GUCY1A2: variants seen among roughly 807,000 people sequenced by gnomAD.
GUCY1A2 encodes the protein guanylate cyclase soluble subunit alpha-2.
GUCY1A2 carries 27 observed loss-of-function variants against 63.5 expected under a neutral mutation model. The ratio of observed to expected loss-of-function variants is 0.43; its 90% CI spans 0.31 to 0.59. The LOEUF (loss-of-function observed/expected upper bound fraction) is 0.59. Ranked by LOEUF, GUCY1A2 falls within the 20% of genes least tolerant of loss-of-function variation. GUCY1A2 has a pLI of 0.11. For missense variants in GUCY1A2, 768 were observed against 913.3 expected, an observed-to-expected ratio of 0.84 and a Z score of 2.05; for synonymous variants, 364 against 343.5, an observed-to-expected ratio of 1.06 and a Z score of -0.66.
At chr11:106,727,597 C>T (rs1479331117) in intron 6 of GUCY1A2, among the ~76,000 whole-genome samples, 1 of 152,038 alleles carries the variant, frequency 6.6e-6, no homozygotes, top group Non-Finnish European at 1.5e-5. Flanking sequence ...TCCTTTGCTC[C>T]AGTCATTTAA....
intron 6 of GUCY1A2, among the ~76,000 whole-genome samples, chr11:106,764,244 CTTCT>C (rs1864119115): frequency 6.6e-6 from 1 of 152,034 alleles, no homozygotes; most frequent in Non-Finnish European, 1.5e-5. Flanking sequence ...CGTCTTCACA[CTTCT>C]TTCTTAAGGA....
At chr11:106,778,526 T>A (rs1415878327) in intron 5 of GUCY1A2, among the ~76,000 whole-genome samples, 2 of 152,110 alleles carry the variant, frequency 1.3e-5, no homozygotes, top group Non-Finnish European at 2.9e-5. Flanking sequence ...CCGGGCATGA[T>A]GGCGGGCACC....
chr11:106,792,534 T>C (rs1439974557), intron 5 of GUCY1A2, among the ~76,000 whole-genome samples: 1 of 152,172 alleles, frequency 6.6e-6, no homozygotes, highest in Non-Finnish European at 1.5e-5. Flanking sequence ...TCTCAAGAGA[T>C]GCAGAAAAAG....
intron 4 of GUCY1A2, among the ~76,000 whole-genome samples, chr11:106,836,326 T>C (rs1859116689): frequency 6.6e-6 from 1 of 151,768 alleles, no homozygotes; most frequent in African/African-American, 2.4e-5. Context: ...TACAATAAAG[T>C]AAGCTAGAGA....
chr11:106,886,576 A>C (rs1286636298), intron 4 of GUCY1A2, among the ~76,000 whole-genome samples: 2 of 152,152 alleles, frequency 1.3e-5, no homozygotes, highest in Non-Finnish European at 2.9e-5. Context: ...GTTATCTACA[A>C]TGATCTGTAC....
At chr11:106,834,948 C>T (rs1264097690) in intron 4 of GUCY1A2, among the ~76,000 whole-genome samples, 1 of 151,930 alleles carries the variant, frequency 6.6e-6, no homozygotes, top group African/African-American at 2.4e-5. Flanking sequence ...AACACATGAA[C>T]CTTCTCTTAC....
intron 4 of GUCY1A2, among the ~76,000 whole-genome samples, chr11:106,858,065 C>T (rs967848884): frequency 3.3e-5 from 5 of 152,132 alleles, no homozygotes; most frequent in African/African-American, 1.2e-4. Context: ...AGGCAATGTG[C>T]CCCAAATGTA....
At chr11:106,712,467 G>C (rs961605312) in intron 6 of GUCY1A2, among the ~76,000 whole-genome samples, 1 of 152,074 alleles carries the variant, frequency 6.6e-6, no homozygotes, top group African/African-American at 2.4e-5. Context: ...TTTCAGCTCT[G>C]TACCTATCCA....
intron 7 of GUCY1A2, among the ~76,000 whole-genome samples, chr11:106,703,035 T>G (rs1591236817): frequency 6.6e-6 from 1 of 152,120 alleles, no homozygotes; most frequent in African/African-American, 2.4e-5. Flanking sequence ...TCTAATCTAT[T>G]CCAGCACAGC....
chr11:106,904,190 C>T (rs1004184658), intron 4 of GUCY1A2, among the ~76,000 whole-genome samples: 1 of 152,090 alleles, frequency 6.6e-6, no homozygotes, highest in Non-Finnish European at 1.5e-5. Flanking sequence ...CACTTACCTC[C>T]ACCTTTTCTG....
At chr11:106,956,043 C>T (rs1333179988) in intron 3 of GUCY1A2, among the ~76,000 whole-genome samples, 14 of 151,536 alleles carry the variant, frequency 9.2e-5, no homozygotes, top group African/African-American at 3.2e-4. Context: ...AGGTAGTTTT[C>T]AAACTCTGAT....
chr11:106,885,715 A>G (rs867375222), intron 4 of GUCY1A2, among the ~76,000 whole-genome samples: 12 of 152,184 alleles, frequency 7.9e-5, no homozygotes, highest in Middle Eastern at 3.2e-3. Flanking sequence ...TATAGATTAT[A>G]TGAGATAACA....
intron 4 of GUCY1A2, among the ~76,000 whole-genome samples, chr11:106,883,853 C>G (rs745865982): frequency 6.6e-6 from 1 of 151,930 alleles, no homozygotes; most frequent in Non-Finnish European, 1.5e-5. Context: ...TGGAATACTA[C>G]GCAGCCATAA....
intron 5 of GUCY1A2, among the ~76,000 whole-genome samples, chr11:106,787,609 AAG>A (rs1465001700): frequency 4.1e-5 from 1 of 24,588 alleles, no homozygotes; most frequent in African/African-American, 1.5e-4. Context: ...GAAAAAGAGA[AAG>A]AGAGAACAAG....
Position 106,687,383 on chromosome 11 carries a change from C to T in GUCY1A2, c.*166G>A, listed in dbSNP as rs1340998430. 1.8e-5 allele frequency: 11 copies of T among 616,356 alleles called. No individual in the cohort carries two copies. Among genetic ancestry groups the T allele is most frequent in the Admixed American group, 5.7e-5 (2 of 35,154 alleles). 38.2% of individuals were successfully genotyped at this position (616,356 alleles called of 1,614,324 possible). A position where few individuals can be genotyped will look rare whatever the true frequency, so the allele number is the denominator to read the frequency against. ...TCATCCTCCGGCTTTTTATTGACAGCGGTCACCTCCACCTTTTAGTAGGAT... is the reference window on the plus strand; with the variant it reads ...TCATCCTCCGGCTTTTTATTGACAGTGGTCACCTCCACCTTTTAGTAGGAT... On this transcript the variant is annotated 3_prime_UTR_variant, in exon 8 of 8. Coordinates refer to ENST00000526355, the MANE Select transcript of GUCY1A2 (RefSeq NM_000855.3).
chr11:106,718,982 T>C (rs1054644620), intron 6 of GUCY1A2, among the ~76,000 whole-genome samples: 1 of 152,136 alleles, frequency 6.6e-6, no homozygotes, highest in Non-Finnish European at 1.5e-5. Flanking sequence ...ATCTAACCAA[T>C]GGCACTAAGG....
chr11:106,713,355 A>C (rs1047615082), intron 6 of GUCY1A2, among the ~76,000 whole-genome samples: 3 of 152,216 alleles, frequency 2.0e-5, no homozygotes, highest in African/African-American at 7.2e-5. Context: ...TATTTGAAAA[A>C]CTTAAGCCTG....
intron 4 of GUCY1A2, among the ~76,000 whole-genome samples, chr11:106,817,428 T>C (rs1247234694): frequency 1.3e-5 from 2 of 152,068 alleles, no homozygotes; most frequent in Non-Finnish European, 2.9e-5. Context: ...GAAAAGCTCC[T>C]TGACATTGCT....
At chr11:106,824,336 T>G (rs1164300598) in intron 4 of GUCY1A2, among the ~76,000 whole-genome samples, 1 of 152,180 alleles carries the variant, frequency 6.6e-6, no homozygotes, top group African/African-American at 2.4e-5. Context: ...GAAAATATAG[T>G]TTTCTGTAAA....
Sources: gnomAD v4.1 joint callset for allele counts (sites outside exome capture counted in the v4.1 genomes callset) on GRCh38, gnomAD v4.1.1 for gene constraint, MANE v1.5 for transcripts, NCBI Gene and HGNC (gene_info 2026-07-23, HGNC 2026-07-21) for gene names.